CDK6: variants seen among roughly 807,000 people sequenced by gnomAD.
The protein encoded by CDK6 is cyclin-dependent kinase 6.
A neutral mutation model predicts 37.1 loss-of-function variants in CDK6; 6 were observed. That is an observed-to-expected ratio of 0.16 (90% CI 0.09 to 0.32). CDK6 has a LOEUF of 0.32. Ranked by LOEUF, CDK6 falls within the 10% of genes least tolerant of loss-of-function variation. The probability of loss-of-function intolerance (pLI) is 1.00; values close to 1 mark genes in which losing one functional copy is unlikely to be tolerated. For synonymous variants in CDK6, 160 were observed against 161.3 expected (o/e 0.99, Z 0.06); for missense variants, 224 against 418.9 (o/e 0.53, Z 4.06).
intron 2 of CDK6, among the ~76,000 whole-genome samples, chr7:92,817,857 A>G (rs1385507806): frequency 1.3e-5 from 2 of 151,970 alleles, no homozygotes; most frequent in Admixed American, 1.3e-4. Context: ...AACACTTAAA[A>G]AGAAAAAACA....
intron 2 of CDK6, among the ~76,000 whole-genome samples, chr7:92,779,161 T>C (rs895799279): frequency 2.0e-5 from 3 of 151,980 alleles, no homozygotes; most frequent in Non-Finnish European, 4.4e-5. Flanking sequence ...AAAAATAACA[T>C]CTAACCCACC....
chr7:92,759,129 A>G (rs1019219625), intron 3 of CDK6, among the ~76,000 whole-genome samples: 4 of 152,284 alleles, frequency 2.6e-5, no homozygotes, highest in South Asian at 2.1e-4. Flanking sequence ...TGAATATAAC[A>G]CACACCCAGG....
At chr7:92,771,034 C>T (rs898189707) in intron 3 of CDK6, among the ~76,000 whole-genome samples, 3 of 151,714 alleles carry the variant, frequency 2.0e-5, no homozygotes, top group East Asian at 1.9e-4. Context: ...GTCAGTAGTT[C>T]GAGACCAGCC....
intron 3 of CDK6, among the ~76,000 whole-genome samples, chr7:92,749,225 A>G (rs1372015306): frequency 6.6e-6 from 1 of 151,106 alleles, no homozygotes; most frequent in East Asian, 1.9e-4. Flanking sequence ...AAGAAATCCC[A>G]GCACTTTGGG....
chr7:92,833,720 A>G lies in CDK6; in HGVS notation c.-367-30T>C. ...AGGAGGAGACGGGAGGATAAGAAGAAAGTGCAATCAGACAGCCCAGAAGCC... is the reference window on the plus strand; with the variant it reads ...AGGAGGAGACGGGAGGATAAGAAGAGAGTGCAATCAGACAGCCCAGAAGCC... On this transcript the variant is annotated intron_variant, in intron 1 of 7. Transcript: ENST00000424848. This position sits in a 1 kb window ranked among gnomAD's most constrained non-coding sequence, Gnocchi z 6.1. The G allele has an allele frequency of 2.3e-6, 1 of 431,180 alleles. No individual in the cohort carries two copies. The highest frequency in any genetic ancestry group is 4.0e-6 in the Non-Finnish European group (1 of 247,720). The allele number at this position is 431,180 out of a possible 1,614,324, so 26.7% of individuals were successfully genotyped here. A position where few individuals can be genotyped will look rare whatever the true frequency, so the allele number is the denominator to read the frequency against.
intron 5 of CDK6, among the ~76,000 whole-genome samples, chr7:92,634,940 T>C (rs1170005057): frequency 1.3e-5 from 2 of 152,144 alleles, no homozygotes; most frequent in Non-Finnish European, 2.9e-5. Context: ...TGGGGGGATG[T>C]AGTAGAGTCT....
At chr7:92,705,716 T>C (rs1797950451) in intron 4 of CDK6, among the ~76,000 whole-genome samples, 1 of 152,232 alleles carries the variant, frequency 6.6e-6, no homozygotes, top group Non-Finnish European at 1.5e-5. Flanking sequence ...ACGTTTTCTT[T>C]GGAGATGGTA....
At position 92,670,671 on chromosome 7, in the gene CDK6, T is replaced by C. The variant is rs544123702; in HGVS notation, c.647+755A>G. Among the ~76,000 whole-genome samples, 5 of 152,318 alleles carry C rather than the reference T, an allele frequency of 3.3e-5. No individual in the cohort carries two copies. In the East Asian group the frequency reaches 9.7e-4, roughly 29 times the overall value. On this transcript the variant is annotated intron_variant, in intron 5 of 7. Coordinates refer to ENST00000424848, the MANE Select transcript of CDK6 (RefSeq NM_001145306.2). ...CAAACAAACGAATCACATGCTCTCT[T>C]AGAGGGAACTTAGAGGGCATCTAGC... is the stretch of plus-strand genomic sequence containing the variant.
intron 5 of CDK6, among the ~76,000 whole-genome samples, chr7:92,657,368 T>C (rs536469103): frequency 1.9e-4 from 29 of 152,176 alleles, no homozygotes; most frequent in Non-Finnish European, 3.4e-4. Flanking sequence ...AAAGTAATGA[T>C]GCATGAGCAC....
At chr7:92,782,061 A>G (rs937439205) in intron 2 of CDK6, among the ~76,000 whole-genome samples, 3 of 152,160 alleles carry the variant, frequency 2.0e-5, no homozygotes, top group African/African-American at 2.4e-5. Context: ...GCAAATTGCG[A>G]TTTCAGCAGC....
rs184843512 is a variant in CDK6, at chr7:92,702,373, C to T, written c.537+23253G>A. Among the ~76,000 whole-genome samples, 195 of 151,480 alleles carry T rather than the reference C, an allele frequency of 1.3e-3. 1 individual carries two copies. The highest frequency in any genetic ancestry group is 4.3e-3 in the African/African-American group (176 of 41,244). On this transcript the variant is annotated intron_variant, in intron 4 of 7. Transcript: ENST00000424848. ...TTAGCCTCCCGAGTAGCTGGGATTA[C>T]AGGTGTGTACCACCATGCCCAGCTA...
At chr7:92,724,133 C>G (rs1798453581) in intron 4 of CDK6, among the ~76,000 whole-genome samples, 1 of 152,118 alleles carries the variant, frequency 6.6e-6, no homozygotes, top group Non-Finnish European at 1.5e-5. Flanking sequence ...GGCCCCAAAA[C>G]AACATGCGCA....
chr7:92,633,624 C>CTT (rs540735364), intron 5 of CDK6, among the ~76,000 whole-genome samples: 5 of 133,572 alleles, frequency 3.7e-5, no homozygotes, highest in South Asian at 2.4e-4. Context: ...CAAAGCTAGC[C>CTT]TTTTTTTTTT....
intron 5 of CDK6, among the ~76,000 whole-genome samples, chr7:92,655,288 A>C (rs979778504): frequency 6.6e-6 from 1 of 152,150 alleles, no homozygotes; most frequent in Non-Finnish European, 1.5e-5. Flanking sequence ...AAAGCTCCCA[A>C]TATTTTAAAT....
chr7:92,703,089 A>T (rs1182438360), intron 4 of CDK6, among the ~76,000 whole-genome samples: 1 of 152,182 alleles, frequency 6.6e-6, no homozygotes, highest in Non-Finnish European at 1.5e-5. Context: ...CCCCATATAG[A>T]GCTTATAAAA....
At chr7:92,798,328 T>C (rs1335172265) in intron 2 of CDK6, among the ~76,000 whole-genome samples, 2 of 152,204 alleles carry the variant, frequency 1.3e-5, no homozygotes, top group Admixed American at 6.6e-5. Flanking sequence ...AGTAGAATAA[T>C]GTTTAATAAT....
intron 3 of CDK6, among the ~76,000 whole-genome samples, chr7:92,745,342 T>C (rs1467449776): frequency 6.6e-6 from 1 of 152,216 alleles, no homozygotes; most frequent in African/African-American, 2.4e-5. Context: ...AGTTGTTAGA[T>C]GTCTGTGTTT....
In CDK6 at chr7:92,663,701, CA is replaced by C. The variant is rs113184787; in HGVS notation, c.647+7724del. On this transcript the variant is annotated intron_variant, in intron 5 of 7. Transcript: ENST00000424848. The stretch of plus-strand genomic sequence containing the variant: ...GGGCAACAGAGCGAGACTCTGTCTC[CA>C]AAAAAAAAAAAGAATTTAAAAAATC... Among the ~76,000 whole-genome samples the C allele has an allele frequency of 6.7e-3, 796 of 118,138 alleles. 4 individuals are homozygous for C. Among genetic ancestry groups the C allele is most frequent in the African/African-American group, 0.018 (588 of 32,434 alleles). 77.5% of individuals were successfully genotyped at this position (118,138 alleles called of 152,430 possible).
intron 5 of CDK6, among the ~76,000 whole-genome samples, chr7:92,643,756 C>T (rs763626734): frequency 8.5e-5 from 13 of 152,158 alleles, no homozygotes; most frequent in South Asian, 8.3e-4. Context: ...TTTCCTTCAC[C>T]CTGTTCAAAA....
Sources: gnomAD v4.1 joint callset for allele counts (sites outside exome capture counted in the v4.1 genomes callset) on GRCh38, gnomAD v4.1.1 for gene constraint, Gnocchi (gnomAD v3.1) non-coding constraint, MANE v1.5 for transcripts, NCBI Gene and HGNC (gene_info 2026-07-23, HGNC 2026-07-21) for gene names.